Variants in PTPRK observed in about 807,000 individuals in gnomAD.
The protein encoded by PTPRK is protein tyrosine phosphatase receptor type K.
A neutral mutation model predicts 178.0 loss-of-function variants in PTPRK; 75 were observed. The observed-to-expected ratio is 0.42, with a 90% CI of 0.35 to 0.51. PTPRK has a LOEUF of 0.51. Among genes scored for constraint, PTPRK ranks in the 20% least tolerant of loss-of-function variants. PTPRK has a pLI of 0.02. For missense variants in PTPRK, 1,441 were observed against 1,797.8 expected (o/e 0.80, Z 3.59); for synonymous variants, 637 against 620.6 (o/e 1.03, Z -0.39).
At chr6:127,981,653 C>T (rs1433900378) in intron 24 of PTPRK, among the ~76,000 whole-genome samples, 3 of 152,084 alleles carry the variant, frequency 2.0e-5, no homozygotes, top group African/African-American at 4.8e-5. Flanking sequence ...TCTGGGCTTG[C>T]CATATTTGAA....
At chr6:128,020,866 C>T (rs1012925845) in intron 13 of PTPRK, among the ~76,000 whole-genome samples, 6 of 151,974 alleles carry the variant, frequency 3.9e-5, no homozygotes, top group Non-Finnish European at 8.8e-5. Context: ...ACCAAGGCTT[C>T]GATAATTCCT....
chr6:128,414,489 G>GA (rs939466237), intron 1 of PTPRK, among the ~76,000 whole-genome samples: 1 of 152,052 alleles, frequency 6.6e-6, no homozygotes, highest in Non-Finnish European at 1.5e-5. Flanking sequence ...ACCTCAGAGT[G>GA]AAAAAAATTT....
intron 5 of PTPRK, among the ~76,000 whole-genome samples, chr6:128,231,564 T>C (rs1812310027): frequency 6.6e-6 from 1 of 152,172 alleles, no homozygotes; most frequent in Non-Finnish European, 1.5e-5. Flanking sequence ...TTCCCATAGA[T>C]TAATTCTCCT....
chr6:128,015,737 A>C (rs2114740546), intron 13 of PTPRK, among the ~76,000 whole-genome samples: 1 of 151,752 alleles, frequency 6.6e-6, no homozygotes, highest in South Asian at 2.1e-4. Flanking sequence ...TTTCTCAAAT[A>C]CTCTTTATTT....
chr6:128,402,817 G>A (rs1287735758), intron 1 of PTPRK, among the ~76,000 whole-genome samples: 1 of 152,194 alleles, frequency 6.6e-6, no homozygotes, highest in Non-Finnish European at 1.5e-5. Flanking sequence ...ATATTTATGA[G>A]TCACTGGTCA....
At chr6:128,227,734 G>C (rs865994122) in intron 5 of PTPRK, among the ~76,000 whole-genome samples, 1 of 151,838 alleles carries the variant, frequency 6.6e-6, no homozygotes, top group Non-Finnish European at 1.5e-5. Context: ...GATCAAAACC[G>C]CAACATAATA....
intron 2 of PTPRK, among the ~76,000 whole-genome samples, chr6:128,362,760 T>C (rs1329728289): frequency 6.6e-6 from 1 of 152,098 alleles, no homozygotes; most frequent in African/African-American, 2.4e-5. Flanking sequence ...AAAATAGCAT[T>C]GGTGAATGGA....
intron 1 of PTPRK, among the ~76,000 whole-genome samples, chr6:128,481,448 T>C (rs550732056): frequency 2.0e-5 from 3 of 152,198 alleles, no homozygotes; most frequent in Non-Finnish European, 4.4e-5. Context: ...GATTTCAAGA[T>C]GATGAACAAA....
chr6:128,030,419 C>T (rs1358529180), intron 13 of PTPRK, among the ~76,000 whole-genome samples: 3 of 152,164 alleles, frequency 2.0e-5, no homozygotes, highest in Non-Finnish European at 4.4e-5. Context: ...TATAACTTAA[C>T]CAGCAGTGTT....
At chr6:127,992,601 T>C (rs779945863) in intron 19 of PTPRK, 72 bp downstream of exon 19, 41 of 1,330,968 alleles carry the variant, frequency 3.1e-5, no homozygotes, top group Non-Finnish European at 4.1e-5. Flanking sequence ...ATTTAAAAAA[T>C]AATAAAAACC....
intron 3 of PTPRK, among the ~76,000 whole-genome samples, chr6:128,319,058 C>T (rs186359791): frequency 4.6e-5 from 7 of 152,228 alleles, no homozygotes; most frequent in African/African-American, 1.2e-4. Flanking sequence ...TAGTGGATCA[C>T]TGTAATGATA....
At chr6:128,514,704 A>G (rs1198094188) in intron 1 of PTPRK, among the ~76,000 whole-genome samples, 3 of 152,170 alleles carry the variant, frequency 2.0e-5, no homozygotes, top group Admixed American at 2.0e-4. Flanking sequence ...TGGATTATCA[A>G]CACACGAAGG....
rs67818767 is a variant in PTPRK at position 128,336,191 on chromosome 6, GTT to G, written c.224-13883_224-13882del. Among the ~76,000 whole-genome samples, 155 of 147,508 alleles carry G rather than the reference GTT, an allele frequency of 1.1e-3. 1 individual carries two copies. The highest frequency in any genetic ancestry group is 3.2e-3 in the African/African-American group (130 of 40,252). On this transcript the variant is annotated intron_variant, in intron 2 of 29. Transcript: ENST00000368226. ...CAAGTGACCTCCATTCCAACAGTGTGTTTTTTTTTTTGTTTTTTTTTGTTTGT... is the reference window on the plus strand; with the variant it reads ...CAAGTGACCTCCATTCCAACAGTGTGTTTTTTTTTGTTTTTTTTTGTTTGT...
intron 2 of PTPRK, among the ~76,000 whole-genome samples, chr6:128,370,575 T>C (rs1302500258): frequency 6.6e-6 from 1 of 152,116 alleles, no homozygotes; most frequent in Non-Finnish European, 1.5e-5. Flanking sequence ...TCTACTTAAA[T>C]GAGCATTACT....
intron 7 of PTPRK, among the ~76,000 whole-genome samples, chr6:128,157,682 G>A (rs1798124955): frequency 6.6e-6 from 1 of 151,986 alleles, no homozygotes; most frequent in South Asian, 2.1e-4. Context: ...GCATTTCTCT[G>A]ATGGCCAGTG....
intron 2 of PTPRK, among the ~76,000 whole-genome samples, chr6:128,357,144 C>T (rs555780306): frequency 6.6e-6 from 1 of 152,238 alleles, no homozygotes; most frequent in African/African-American, 2.4e-5. Context: ...CTTCCTGAAC[C>T]AAGAAACAGA....
At chr6:128,158,834 T>A (rs1238869655) in intron 7 of PTPRK, among the ~76,000 whole-genome samples, 1 of 152,046 alleles carries the variant, frequency 6.6e-6, no homozygotes, top group East Asian at 1.9e-4. Flanking sequence ...TTCATTTGAA[T>A]AGGAAGCTTG....
At chr6:128,152,333 A>G (rs1341065268) in intron 7 of PTPRK, among the ~76,000 whole-genome samples, 1 of 152,028 alleles carries the variant, frequency 6.6e-6, no homozygotes, top group Non-Finnish European at 1.5e-5. Flanking sequence ...ATGGTAAACT[A>G]GATGTCTACT....
chr6:128,089,596 A>G (rs1236578543), intron 8 of PTPRK, 94 bp downstream of exon 8: 27 of 1,282,818 alleles, frequency 2.1e-5, no homozygotes, highest in Admixed American at 3.9e-5. Context: ...TCAGAATCCA[A>G]TTCAGTATTG....
Sources: gnomAD v4.1 joint callset for allele counts (sites outside exome capture counted in the v4.1 genomes callset) on GRCh38, gnomAD v4.1.1 for gene constraint, MANE v1.5 for transcripts, NCBI Gene and HGNC (gene_info 2026-07-23, HGNC 2026-07-21) for gene names.